The following SCAF4 variants were observed in gnomAD, a reference collection of about 807,000 sequenced individuals.
SCAF4 encodes the protein SR-related and CTD-associated factor 4.
SCAF4 carries 25 observed loss-of-function variants against 129.8 expected under a neutral mutation model. The observed-to-expected ratio is 0.19, with a 90% CI of 0.14 to 0.27. The LOEUF (loss-of-function observed/expected upper bound fraction) is 0.27. SCAF4 is among the 10% of genes least tolerant of loss of function. The probability of loss-of-function intolerance (pLI) is 1.00; values close to 1 mark genes in which losing one functional copy is unlikely to be tolerated. For synonymous variants in SCAF4, 551 were observed against 497.7 expected, an observed-to-expected ratio of 1.11 and a Z score of -1.43; for missense variants, 1,246 against 1,457.1, an observed-to-expected ratio of 0.86 and a Z score of 2.36.
At chr21:31,701,942 G>A in intron 5 of SCAF4, 24 bp from the exon 6 acceptor site, 1 of 1,603,638 alleles carries the variant, frequency 6.2e-7, no homozygotes, top group South Asian at 1.1e-5. Flanking sequence ...GGGCATTAAG[G>A]CCTAAAAAAA....
intron 19 of SCAF4, among the ~76,000 whole-genome samples, chr21:31,674,524 C>CA (rs928126349): frequency 6.9e-4 from 105 of 152,086 alleles, no homozygotes; most frequent in Admixed American, 1.2e-3. Flanking sequence ...CTTCAGACCA[C>CA]AAAAAAAATT....
intron 1 of SCAF4, among the ~76,000 whole-genome samples, chr21:31,729,355 T>C (rs1487256782): frequency 6.6e-6 from 1 of 152,238 alleles, no homozygotes; most frequent in African/African-American, 2.4e-5. Flanking sequence ...TTATCTCCAA[T>C]GGCTATGCCA....
At chr21:31,701,423 C>A (rs573736450) in intron 6 of SCAF4, among the ~76,000 whole-genome samples, 4 of 152,230 alleles carry the variant, frequency 2.6e-5, no homozygotes, top group African/African-American at 9.6e-5. Flanking sequence ...AGAAAATACA[C>A]TGAATTGTGA....
At chr21:31,729,189 G>A (rs1489781204) in intron 1 of SCAF4, among the ~76,000 whole-genome samples, 1 of 152,202 alleles carries the variant, frequency 6.6e-6, no homozygotes, top group Non-Finnish European at 1.5e-5. Context: ...AGGCAAACAT[G>A]AAACTTGTCA....
intron 19 of SCAF4, among the ~76,000 whole-genome samples, chr21:31,682,684 T>C (rs763808723): frequency 3.3e-5 from 5 of 152,236 alleles, no homozygotes; most frequent in South Asian, 2.1e-4. Flanking sequence ...TCTAGACTTA[T>C]AGTTTTCTGG....
chr21:31,682,293 C>T (rs2050014598), intron 19 of SCAF4, among the ~76,000 whole-genome samples: 1 of 151,778 alleles, frequency 6.6e-6, no homozygotes, highest in Non-Finnish European at 1.5e-5. Flanking sequence ...GCACGAGAAT[C>T]GCTTGAACTT....
intron 1 of SCAF4, among the ~76,000 whole-genome samples, chr21:31,717,842 T>TATATATATATATAC (rs547466352): frequency 8.7e-6 from 1 of 114,384 alleles, no homozygotes; most frequent in Non-Finnish European, 1.7e-5. Flanking sequence ...TATATATATA[T>TATATATATATATAC]ACACACACAC....
chr21:31,672,405 A>T (rs1382570862), intron 19 of SCAF4, 51 bp from the exon 20 acceptor site: 1 of 1,362,270 alleles, frequency 7.3e-7, no homozygotes, highest in Non-Finnish European at 1.0e-6. Context: ...ATGGCACTCC[A>T]GTTTCAGCTG....
chr21:31,672,486 C>T, intron 19 of SCAF4, 132 bp from the exon 20 acceptor site: 1 of 758,280 alleles, frequency 1.3e-6, no homozygotes, highest in Non-Finnish European at 2.2e-6. Context: ...GCCACTCTGT[C>T]ACAAACCCAG....
Position 31,703,765 on chromosome 21 carries a change from C to A in SCAF4, c.321G>T (p.Lys107Asn). ...QYLYLCPSED[K>N]SKIVRVLNLW... is the part of the protein sequence containing the mutation. ...GTTTTAGTTTAAAAATTAATTATAC[C>A]TTATCTTCAGATGGACAAAGATATA... is the stretch of plus-strand genomic sequence containing the variant. The change falls in exon 4 of 20, where the codon AAG becomes AAT. Residue 107 changes from lysine to asparagine, a missense_variant and splice_region_variant. Transcript: ENST00000286835. 1.4e-6 allele frequency: 2 copies of A among 1,480,580 alleles called. No homozygotes were observed. The highest frequency in any genetic ancestry group is 1.3e-5 in the South Asian group (1 of 79,028). The allele number at this position is 1,480,580 out of a possible 1,614,324, so 91.7% of individuals were successfully genotyped here. A position where few individuals can be genotyped will look rare whatever the true frequency, so the allele number is the denominator to read the frequency against.
intron 1 of SCAF4, among the ~76,000 whole-genome samples, chr21:31,714,515 G>A (rs958519422): frequency 1.3e-5 from 2 of 152,120 alleles, no homozygotes; most frequent in Non-Finnish European, 2.9e-5. Flanking sequence ...ATGACATATA[G>A]AAGCCTGAGA....
rs1257428784 is a variant in SCAF4 at position 31,672,274 on chromosome 21, T to G, written c.2569A>C (p.Ile857Leu). ...TGLLGARPGL[I>L]PLQRPPGMPP... is the part of the protein sequence containing the mutation. The stretch of plus-strand genomic sequence containing the variant: ...ATTCCTGGAGGGCGCTGGAGTGGGA[T>G]GAGACCGGGCCGGGCGCCAAGAAGA... The change falls in exon 20 of 20, where the codon ATC (isoleucine) becomes CTC (leucine). Residue 857 changes from isoleucine to leucine, a missense_variant. Ile to Leu is a conservative substitution (Grantham distance 5, BLOSUM62 2). This residue lies in a region of SCAF4 where 468 missense variants were observed against 605.5 expected (regional missense o/e 0.77). Transcript: ENST00000286835. The G allele has an allele frequency of 2.5e-6, 4 of 1,613,894 alleles. No individual in the cohort carries two copies. Among genetic ancestry groups the G allele is most frequent in the South Asian group, 2.2e-5 (2 of 91,064 alleles).
chr21:31,694,882 T>G lies in SCAF4; in HGVS notation c.1167A>C (p.Pro389=), dbSNP rs1481325340. 6.2e-7 allele frequency: 1 copy of G among 1,614,184 alleles called. No individual in the cohort carries two copies. The highest frequency in any genetic ancestry group is 1.7e-5 in the Admixed American group (1 of 60,036). The stretch of plus-strand genomic sequence containing the variant: ...AAGAAGCTTGGAAAGGCTGCTGCAC[T>G]GGTGGAGTTGGAGGAATCACAGGCT... ...MAQPVIPPTP[P]VQQPFQASFQ... The change falls in exon 10 of 20, where the codon CCA becomes CCC. Residue 389 remains proline, a synonymous_variant. Coordinates refer to ENST00000286835, the MANE Select transcript of SCAF4 (RefSeq NM_020706.2).
intron 7 of SCAF4, among the ~76,000 whole-genome samples, chr21:31,699,450 T>A (rs1395605163): frequency 3.3e-5 from 5 of 151,626 alleles, no homozygotes; most frequent in Admixed American, 2.0e-4. Flanking sequence ...ACAAATCTGT[T>A]CAAACTGCAG....
intron 1 of SCAF4, among the ~76,000 whole-genome samples, chr21:31,713,756 T>TGGGGGGGG (rs376619988): frequency 5.2e-5 from 5 of 96,768 alleles, no homozygotes; most frequent in Non-Finnish European, 8.4e-5. Flanking sequence ...GGGGGTGGGG[T>TGGGGGGGG]GGGGGGGGCA....
chr21:31,696,563 A>G lies in SCAF4; in HGVS notation c.959+6T>C. The G allele has an allele frequency of 2.5e-6, 4 of 1,579,100 alleles. No individual in the cohort carries two copies. Among genetic ancestry groups the G allele is most frequent in the Non-Finnish European group, 3.4e-6 (4 of 1,165,018 alleles). On this transcript the variant is annotated splice_donor_region_variant and intron_variant, in intron 8 of 19. Transcript: ENST00000286835. The stretch of plus-strand genomic sequence containing the variant: ...TATCTGCTGAGGAATAAAAAAAAAA[A>G]CTAACAATGGTGCCTGTGGAGGAGG...
Position 31,671,285 on chromosome 21 carries a change from C to T in SCAF4, c.*114G>A. 8.3e-7 allele frequency: 1 copy of T among 1,206,160 alleles called. No individual in the cohort carries two copies. The highest frequency in any genetic ancestry group is 2.0e-5 in the South Asian group (1 of 50,700). The allele number at this position is 1,206,160 out of a possible 1,614,324, so 74.7% of individuals were successfully genotyped here. ...AGCAATCAAATTGCTTACAGTTCCC[C>T]ACCAGCTGGCGCGGGGCTGCAGTAC... On this transcript the variant is annotated 3_prime_UTR_variant, in exon 20 of 20. Coordinates refer to ENST00000286835, the MANE Select transcript of SCAF4 (RefSeq NM_020706.2).
chr21:31,702,294 G>A lies in SCAF4; in HGVS notation c.407C>T (p.Ala136Val), dbSNP rs934515628. ...TACTGGGGCTGCATTACTGGTTCCC[G>A]CTGCCATGTCCAAAAGAGGTTGAAT... ...EIIQPLLDMAAGTSNAAPVAE... is the reference protein window; with the variant it reads ...EIIQPLLDMAVGTSNAAPVAE... The change falls in exon 5 of 20, where the codon GCG (alanine) becomes GTG (valine). Residue 136 changes from alanine (A) to valine (V), a missense_variant. Transcript: ENST00000286835. 2.8e-5 allele frequency: 45 copies of A among 1,613,878 alleles called. No individual in the cohort carries two copies. The highest frequency in any genetic ancestry group is 1.6e-4 in the Middle Eastern group (1 of 6,084).
rs562710239 is a variant in SCAF4 at position 31,676,883 on chromosome 21, C to A, written c.2489-4529G>T. On this transcript the variant is annotated intron_variant, in intron 19 of 19. Transcript: ENST00000286835. ...TCCCCTCATCTGTCCCAGCCCCAAG[C>A]AACCACATAATGTTTTCTGTCTCTG... is the stretch of plus-strand genomic sequence containing the variant. Among the ~76,000 whole-genome samples the A allele has an allele frequency of 4.6e-5, 7 of 152,184 alleles. No homozygotes were observed. The South Asian group carries it at 1.0e-3, about 23-fold the overall frequency.
Sources: gnomAD v4.1 joint callset for allele counts (sites outside exome capture counted in the v4.1 genomes callset) on GRCh38, gnomAD v4.1.1 for gene constraint, gnomAD v4.1.1 regional missense constraint, MANE v1.5 for transcripts, NCBI Gene and HGNC (gene_info 2026-07-23, HGNC 2026-07-21) for gene names.